The following UNC5D variants were observed in gnomAD, a reference collection of about 807,000 sequenced individuals.
UNC5D encodes the protein netrin receptor UNC5D.
A neutral mutation model predicts 105.4 loss-of-function variants in UNC5D; 39 were observed. The ratio of observed to expected loss-of-function variants is 0.37; its 90% CI spans 0.29 to 0.48. The LOEUF (loss-of-function observed/expected upper bound fraction) is 0.48, where lower values mean the gene tolerates loss of function less well. Ranked by LOEUF, UNC5D falls within the 20% of genes least tolerant of loss-of-function variation. The probability of loss-of-function intolerance (pLI) is 0.98; values close to 1 mark genes in which losing one functional copy is unlikely to be tolerated. For synonymous variants in UNC5D, 452 were observed against 450.4 expected, an observed-to-expected ratio of 1.00 and a Z score of -0.04; for missense variants, 991 against 1,202.4, an observed-to-expected ratio of 0.82 and a Z score of 2.60.
chr8:35,306,548 T>G (rs898872771), intron 1 of UNC5D, among the ~76,000 whole-genome samples: 1 of 152,138 alleles, frequency 6.6e-6, no homozygotes, highest in Non-Finnish European at 1.5e-5. Context: ...AAGTGATATT[T>G]TGAGTGAACT....
At chr8:35,654,523 T>C (rs930326609) in intron 4 of UNC5D, among the ~76,000 whole-genome samples, 2 of 152,206 alleles carry the variant, frequency 1.3e-5, no homozygotes, top group African/African-American at 4.8e-5. Flanking sequence ...CAGTGGAAAA[T>C]GCCTGCTCTT....
chr8:35,707,430 A>C (rs1458565924), intron 8 of UNC5D, among the ~76,000 whole-genome samples: 2 of 152,174 alleles, frequency 1.3e-5, no homozygotes, highest in African/African-American at 4.8e-5. Context: ...TTTTGAATTT[A>C]TGGGAAGACT....
chr8:35,580,683 G>A (rs779510086), intron 3 of UNC5D, among the ~76,000 whole-genome samples: 3 of 152,148 alleles, frequency 2.0e-5, no homozygotes, highest in Non-Finnish European at 4.4e-5. Context: ...TACATTTGAC[G>A]TGAAGGGCTC....
chr8:35,782,862 G>A (rs1002171823), intron 16 of UNC5D, among the ~76,000 whole-genome samples: 5 of 152,186 alleles, frequency 3.3e-5, no homozygotes, highest in Middle Eastern at 3.4e-3. Context: ...GGCCAGGCAT[G>A]GTAGCTCACA....
At chr8:35,404,611 G>A (rs547685411) in intron 1 of UNC5D, among the ~76,000 whole-genome samples, 9 of 151,594 alleles carry the variant, frequency 5.9e-5, no homozygotes, top group South Asian at 2.1e-4. Flanking sequence ...TTCTTGAGAC[G>A]GAGTCTCGCT....
intron 4 of UNC5D, among the ~76,000 whole-genome samples, chr8:35,631,150 C>A (rs756945118): frequency 6.6e-6 from 1 of 151,982 alleles, no homozygotes; most frequent in Non-Finnish European, 1.5e-5. Flanking sequence ...CCATCTCTAC[C>A]AAAATACAAA....
chr8:35,326,614 C>T (rs1810179799), intron 1 of UNC5D, among the ~76,000 whole-genome samples: 2 of 152,010 alleles, frequency 1.3e-5, no homozygotes, highest in Admixed American at 1.3e-4. Context: ...AAAAGCCAAG[C>T]TTGGAGGCAC....
intron 1 of UNC5D, among the ~76,000 whole-genome samples, chr8:35,463,277 G>A (rs1304164007): frequency 2.6e-5 from 4 of 152,082 alleles, no homozygotes; most frequent in African/African-American, 4.8e-5. Flanking sequence ...AATTAGTTAC[G>A]AGAGAGATAA....
At chr8:35,702,620 A>G (rs16884258) in intron 7 of UNC5D, among the ~76,000 whole-genome samples, 3,208 of 152,310 alleles carry the variant, frequency 0.021, 153 homozygotes, top group East Asian at 0.099. Flanking sequence ...AAACAGAATA[A>G]AAGATCATAG....
intron 1 of UNC5D, among the ~76,000 whole-genome samples, chr8:35,367,440 T>G (rs1452330978): frequency 6.6e-6 from 1 of 152,174 alleles, no homozygotes; most frequent in African/African-American, 2.4e-5. Flanking sequence ...CTTCCCCAGA[T>G]GAAAACATAA....
chr8:35,716,376 G>A (rs1828251880), intron 8 of UNC5D, among the ~76,000 whole-genome samples: 1 of 152,158 alleles, frequency 6.6e-6, no homozygotes, highest in Non-Finnish European at 1.5e-5. Context: ...AGTTACTGTG[G>A]TTCCTGAGAG....
chr8:35,398,997 A>C (rs1199540992), intron 1 of UNC5D, among the ~76,000 whole-genome samples: 2 of 151,658 alleles, frequency 1.3e-5, no homozygotes, highest in Admixed American at 6.6e-5. Context: ...CTCTACTAAA[A>C]TACAGGGCAT....
intron 4 of UNC5D, among the ~76,000 whole-genome samples, chr8:35,652,915 A>AG (rs1823511725): frequency 2.0e-5 from 1 of 49,144 alleles, no homozygotes; most frequent in East Asian, 6.0e-4. Context: ...ACAAGTGAGG[A>AG]TTTTTTTTTT....
chr8:35,460,313 G>A (rs1585893732), intron 1 of UNC5D, among the ~76,000 whole-genome samples: 1 of 152,226 alleles, frequency 6.6e-6, no homozygotes, highest in Admixed American at 6.5e-5. Context: ...CCCCAGGGAG[G>A]CTTTCTTGAC....
At chr8:35,729,025 G>T (rs996665225) in intron 10 of UNC5D, among the ~76,000 whole-genome samples, 1 of 152,116 alleles carries the variant, frequency 6.6e-6, no homozygotes, top group Admixed American at 6.5e-5. Context: ...CAGACTCCAC[G>T]TAGTATTTGC....
intron 1 of UNC5D, among the ~76,000 whole-genome samples, chr8:35,342,044 A>G (rs1811490730): frequency 6.6e-6 from 1 of 152,062 alleles, no homozygotes; most frequent in African/African-American, 2.4e-5. Context: ...CAATCTTATA[A>G]CATCTGAAAA....
chr8:35,297,231 T>G (rs184819639), intron 1 of UNC5D, among the ~76,000 whole-genome samples: 1 of 152,274 alleles, frequency 6.6e-6, no homozygotes, highest in East Asian at 1.9e-4. Context: ...CTTTTCTGCT[T>G]AGCAAAAAAT....
intron 1 of UNC5D, among the ~76,000 whole-genome samples, chr8:35,532,896 A>G (rs1814500493): frequency 8.4e-6 from 1 of 119,604 alleles, no homozygotes; most frequent in Non-Finnish European, 1.7e-5. Context: ...TTTCAGCTCC[A>G]TCAGCTCCTT....
chr8:35,351,333 T>G (rs1208063966), intron 1 of UNC5D, among the ~76,000 whole-genome samples: 2 of 152,092 alleles, frequency 1.3e-5, no homozygotes, highest in Non-Finnish European at 2.9e-5. Context: ...TCAGAGGTGA[T>G]CTTATCCAGG....
Sources: gnomAD v4.1 joint callset for allele counts (sites outside exome capture counted in the v4.1 genomes callset) on GRCh38, gnomAD v4.1.1 for gene constraint, MANE v1.5 for transcripts, NCBI Gene and HGNC (gene_info 2026-07-23, HGNC 2026-07-21) for gene names.